The following PPARG variants were observed in gnomAD, a reference collection of about 807,000 sequenced individuals.
The protein encoded by PPARG is peroxisome proliferator activated receptor gamma, also known as peroxisome proliferator-activated receptor gamma.
PPARG carries 17 observed loss-of-function variants against 39.2 expected under a neutral mutation model. That is an observed-to-expected ratio of 0.43 (90% CI 0.30 to 0.65). PPARG has a LOEUF of 0.65. Ranked by LOEUF, PPARG falls within the 30% of genes least tolerant of loss-of-function variation. The pLI is 0.13. For synonymous variants in PPARG, 223 were observed against 215.7 expected, an observed-to-expected ratio of 1.03 and a Z score of -0.30; for missense variants, 406 against 585.9, an observed-to-expected ratio of 0.69 and a Z score of 3.17.
intron 5 of PPARG, among the ~76,000 whole-genome samples, chr3:12,396,166 G>T (rs918553917): frequency 6.6e-6 from 1 of 151,896 alleles, no homozygotes. Context: ...CTGTCGCCCA[G>T]TCTGGAGTAC....
At chr3:12,367,128 C>A (rs1340183306) in intron 2 of PPARG, among the ~76,000 whole-genome samples, 1 of 152,072 alleles carries the variant, frequency 6.6e-6, no homozygotes, top group African/African-American at 2.4e-5. Context: ...AAAATTATGT[C>A]TTTCAAGGAA....
At chr3:12,365,605 TA>T (rs1475364566) in intron 2 of PPARG, among the ~76,000 whole-genome samples, 4 of 151,926 alleles carry the variant, frequency 2.6e-5, no homozygotes, top group Non-Finnish European at 5.9e-5. Context: ...GTTATTATTA[TA>T]TTTTTTTGCA....
chr3:12,343,590 T>C (rs147170274), intron 2 of PPARG, among the ~76,000 whole-genome samples: 1 of 152,320 alleles, frequency 6.6e-6, no homozygotes, highest in Admixed American at 6.5e-5. Flanking sequence ...CAGAAATTAC[T>C]CTAGTAATGG....
At chr3:12,319,514 A>G (rs924312673) in intron 2 of PPARG, among the ~76,000 whole-genome samples, 9 of 152,218 alleles carry the variant, frequency 5.9e-5, no homozygotes, top group African/African-American at 1.9e-4. Flanking sequence ...TAAGCAATCT[A>G]TTATGAATAC....
rs2049583364 is a variant in PPARG at position 12,380,001 on chromosome 3, A to G, written c.220+70A>G. 2.3e-6 allele frequency: 3 copies of G among 1,280,140 alleles called. No individual in the cohort carries two copies. In the East Asian group the frequency reaches 7.0e-5, roughly 30 times the overall value. 79.3% of individuals were successfully genotyped at this position (1,280,140 alleles called of 1,614,324 possible). On this transcript the variant is annotated intron_variant, in intron 3 of 7. Coordinates refer to ENST00000651735, the MANE Select transcript of PPARG (RefSeq NM_138711.6). ...GGACTCATCTCTCAGTAACCCTGTA[A>G]TAAATAATGCTCCAGAGACTAGAAA...
rs1293214165 is a variant in PPARG at position 12,310,494 on chromosome 3, C to A, written c.-82-1886C>A. On this transcript the variant is annotated intron_variant, in intron 1 of 7. Transcript: ENST00000651735. ...TTTTTTTTTTTTTGAGACAGAGTCT[C>A]GCTCTGTCGCCCAGGCTGGAGTGCA... Among the ~76,000 whole-genome samples the A allele has an allele frequency of 9.6e-5, 6 of 62,426 alleles. 1 individual carries two copies. The highest frequency in any genetic ancestry group is 1.5e-4 in the Non-Finnish European group (5 of 32,716). The allele number at this position is 62,426 out of a possible 152,430, so 41.0% of individuals were successfully genotyped here. A position where few individuals can be genotyped will look rare whatever the true frequency, so the allele number is the denominator to read the frequency against.
At chr3:12,337,809 G>A (rs986737868) in intron 2 of PPARG, among the ~76,000 whole-genome samples, 1 of 152,102 alleles carries the variant, frequency 6.6e-6, no homozygotes, top group African/African-American at 2.4e-5. Flanking sequence ...AATAGAAAAT[G>A]TAAAATACGG....
intron 7 of PPARG, among the ~76,000 whole-genome samples, chr3:12,427,254 C>G (rs1477909301): frequency 1.6e-5 from 1 of 61,906 alleles, no homozygotes; most frequent in African/African-American, 8.2e-5. Flanking sequence ...ATCATTTCTT[C>G]AAGGAAGTAG....
At chr3:12,390,681 C>G (rs139037268) in intron 4 of PPARG, among the ~76,000 whole-genome samples, 265 of 116,848 alleles carry the variant, frequency 2.3e-3, no homozygotes, top group African/African-American at 8.5e-3. Flanking sequence ...CACTCTGTCA[C>G]CCAGACTGGA....
chr3:12,340,202 C>G (rs2048143529), intron 2 of PPARG, among the ~76,000 whole-genome samples: 2 of 152,188 alleles, frequency 1.3e-5, no homozygotes, highest in Admixed American at 1.3e-4. Context: ...GAGTTGTGCT[C>G]TTTGGATCCC....
At chr3:12,378,568 G>A (rs2049503742) in intron 2 of PPARG, among the ~76,000 whole-genome samples, 2 of 152,080 alleles carry the variant, frequency 1.3e-5, no homozygotes, top group Admixed American at 1.3e-4. Context: ...AAACTGGGTG[G>A]TATTTGACAC....
At chr3:12,328,524 AG>A (rs2047758822) in intron 2 of PPARG, among the ~76,000 whole-genome samples, 1 of 152,206 alleles carries the variant, frequency 6.6e-6, no homozygotes, top group South Asian at 2.1e-4. Flanking sequence ...AACTCCCAGG[AG>A]AGGAAAGATG....
At chr3:12,379,229 T>G (rs576884821) in intron 2 of PPARG, among the ~76,000 whole-genome samples, 2 of 152,282 alleles carry the variant, frequency 1.3e-5, no homozygotes, top group African/African-American at 4.8e-5. Flanking sequence ...GGTCTCGAAC[T>G]CCTGACCTCA....
intron 1 of PPARG, among the ~76,000 whole-genome samples, chr3:12,289,738 C>G (rs557917332): frequency 6.6e-6 from 1 of 152,280 alleles, no homozygotes; most frequent in African/African-American, 2.4e-5. Flanking sequence ...CATGGACATT[C>G]ACTGTGGCTT....
intron 2 of PPARG, among the ~76,000 whole-genome samples, chr3:12,318,580 T>C (rs1000404574): frequency 6.6e-6 from 1 of 152,176 alleles, no homozygotes; most frequent in South Asian, 2.1e-4. Context: ...TTAAAATGAA[T>C]AGGAAAAAGA....
chr3:12,418,446 GTATA>G (rs1228091775), intron 7 of PPARG, among the ~76,000 whole-genome samples: 2 of 152,202 alleles, frequency 1.3e-5, no homozygotes, highest in Non-Finnish European at 2.9e-5. Flanking sequence ...GTGGTAAACT[GTATA>G]TAACTGCACA....
intron 2 of PPARG, among the ~76,000 whole-genome samples, chr3:12,347,096 T>C (rs1223485263): frequency 6.6e-6 from 1 of 151,816 alleles, no homozygotes; most frequent in Admixed American, 6.6e-5. Context: ...GGCAGGAGAA[T>C]TTCTTGAATC....
intron 2 of PPARG, among the ~76,000 whole-genome samples, chr3:12,343,720 A>G (rs971235315): frequency 6.6e-6 from 1 of 152,062 alleles, no homozygotes; most frequent in African/African-American, 2.4e-5. Flanking sequence ...AGTCTTATTT[A>G]TATTATTCTA....
At chr3:12,356,336 T>A (rs1295495010) in intron 2 of PPARG, among the ~76,000 whole-genome samples, 1 of 152,222 alleles carries the variant, frequency 6.6e-6, no homozygotes, top group Non-Finnish European at 1.5e-5. Context: ...CATCCAACTC[T>A]TATAACCTCA....
Sources: gnomAD v4.1 joint callset for allele counts (sites outside exome capture counted in the v4.1 genomes callset) on GRCh38, gnomAD v4.1.1 for gene constraint, MANE v1.5 for transcripts, NCBI Gene and HGNC (gene_info 2026-07-23, HGNC 2026-07-21) for gene names.